RUNX2: variants seen among roughly 807,000 people sequenced by gnomAD.
RUNX2 encodes runt-related transcription factor 2.
A neutral mutation model predicts 51.7 loss-of-function variants in RUNX2; 10 were observed. That is an observed-to-expected ratio of 0.19 (90% confidence interval 0.12 to 0.33). The LOEUF (loss-of-function observed/expected upper bound fraction) is 0.33, where lower values mean the gene tolerates loss of function less well. Ranked by LOEUF, RUNX2 falls within the 10% of genes least tolerant of loss-of-function variation. The pLI is 1.00. For missense variants in RUNX2, 562 were observed against 691.3 expected (o/e 0.81, Z 2.10); for synonymous variants, 276 against 273.6 (o/e 1.01, Z -0.09).
At chr6:45,442,024 C>T (rs1258013554) in intron 5 of RUNX2, among the ~76,000 whole-genome samples, 1 of 152,170 alleles carries the variant, frequency 6.6e-6, no homozygotes, top group Non-Finnish European at 1.5e-5. Context: ...TTCATAAGAG[C>T]ACATGATCAT....
intron 2 of RUNX2, among the ~76,000 whole-genome samples, chr6:45,376,580 A>C (rs1360061380): frequency 6.6e-6 from 1 of 152,254 alleles, no homozygotes; most frequent in Non-Finnish European, 1.5e-5. Context: ...CTGCTAGTGA[A>C]AAGTGCAGCC....
At chr6:45,332,633 C>T (rs543791768) in intron 2 of RUNX2, among the ~76,000 whole-genome samples, 1 of 151,834 alleles carries the variant, frequency 6.6e-6, no homozygotes, top group African/African-American at 2.4e-5. Flanking sequence ...AATACTATTA[C>T]CTAACAAAAA....
intron 5 of RUNX2, among the ~76,000 whole-genome samples, chr6:45,449,597 G>C (rs1187153157): frequency 2.6e-5 from 4 of 152,154 alleles, no homozygotes; most frequent in African/African-American, 9.7e-5. Flanking sequence ...GGGATTCTTG[G>C]TTGATGTGAT....
chr6:45,363,343 A>C (rs1157912257), intron 2 of RUNX2, among the ~76,000 whole-genome samples: 2 of 152,210 alleles, frequency 1.3e-5, no homozygotes, highest in Admixed American at 1.3e-4. Flanking sequence ...AAATACTATA[A>C]ATTTTGAAAT....
intron 2 of RUNX2, among the ~76,000 whole-genome samples, chr6:45,355,055 G>A (rs895500748): frequency 6.6e-6 from 1 of 151,774 alleles, no homozygotes; most frequent in African/African-American, 2.4e-5. Context: ...GGTCACTGCA[G>A]ACTCAACCAC....
At chr6:45,470,846 C>T (rs1406653872) in intron 5 of RUNX2, among the ~76,000 whole-genome samples, 3 of 152,128 alleles carry the variant, frequency 2.0e-5, no homozygotes, top group Admixed American at 6.5e-5. Context: ...AAGACTCTGG[C>T]GAGTCCTGTG....
rs1305979510 is a variant in RUNX2, at chr6:45,500,645, G to A, written c.859+8531G>A. ...AAAGATTTAGAATGAAAAATGTTTG[G>A]CGCTGTTGCCAGGGTGAATGGTGGG... is the stretch of plus-strand genomic sequence containing the variant. On this transcript the variant is annotated intron_variant, in intron 6 of 8. Transcript: ENST00000647337. 6.6e-5 allele frequency among the ~76,000 whole-genome samples: 10 copies of A among 152,184 alleles called. No homozygotes were observed. The South Asian group carries it at 8.3e-4, about 13-fold the overall frequency.
At chr6:45,408,266 A>AT (rs1181954039) in intron 2 of RUNX2, among the ~76,000 whole-genome samples, 1 of 152,024 alleles carries the variant, frequency 6.6e-6, no homozygotes, top group Non-Finnish European at 1.5e-5. Context: ...AAGGCAATGC[A>AT]TAACAGTAAG....
chr6:45,352,218 C>T (rs979448032), intron 2 of RUNX2, among the ~76,000 whole-genome samples: 2 of 152,106 alleles, frequency 1.3e-5, no homozygotes, highest in Non-Finnish European at 2.9e-5. Flanking sequence ...TTACAAATAA[C>T]CTTTGATCGT....
At chr6:45,404,297 AAG>A (rs1436418317) in intron 2 of RUNX2, among the ~76,000 whole-genome samples, 1 of 137,140 alleles carries the variant, frequency 7.3e-6, no homozygotes, top group African/African-American at 2.8e-5. Context: ...AGAAAAAAAA[AAG>A]GAAAAAAAAG....
At position 45,549,765 on chromosome 6, in the gene RUNX2, T is replaced by A. The variant is rs1802507946; in HGVS notation, c.*2460T>A. On this transcript the variant is annotated 3_prime_UTR_variant, in exon 9 of 9. Coordinates refer to ENST00000647337, the MANE Select transcript of RUNX2 (RefSeq NM_001024630.4). Reference sequence around the variant, plus strand: ...TTTTTTAATGTTAAAAGGGCTTTTTTAAGTTTACAGTACACATACCGAGTG... The same window carrying A: ...TTTTTTAATGTTAAAAGGGCTTTTTAAAGTTTACAGTACACATACCGAGTG... The A allele has an allele frequency of 6.3e-6, 1 of 159,678 alleles. No homozygotes were observed. The highest frequency in any genetic ancestry group is 1.8e-4 in the East Asian group (1 of 5,524). 9.9% of individuals were successfully genotyped at this position (159,678 alleles called of 1,614,324 possible). A position where few individuals can be genotyped will look rare whatever the true frequency, so the allele number is the denominator to read the frequency against.
At chr6:45,340,298 A>G (rs71566529) in intron 2 of RUNX2, among the ~76,000 whole-genome samples, 1,635 of 152,264 alleles carry the variant, frequency 0.011, 24 homozygotes, top group Middle Eastern at 0.02. Context: ...AAGTATATCA[A>G]GGAATAAGAT....
intron 2 of RUNX2, among the ~76,000 whole-genome samples, chr6:45,380,902 T>C (rs959077273): frequency 2.6e-5 from 4 of 152,154 alleles, no homozygotes; most frequent in Admixed American, 2.6e-4. Flanking sequence ...ATGTGGATGC[T>C]ACAGTGACAG....
chr6:45,419,393 C>T (rs1033286577), intron 2 of RUNX2, among the ~76,000 whole-genome samples: 1 of 150,342 alleles, frequency 6.7e-6, no homozygotes, highest in African/African-American at 2.5e-5. Context: ...TAGACAGTGG[C>T]ACAACATGCC....
intron 7 of RUNX2, among the ~76,000 whole-genome samples, chr6:45,521,460 G>T (rs1582202082): frequency 6.6e-6 from 1 of 152,134 alleles, no homozygotes; most frequent in South Asian, 2.1e-4. Context: ...ACATATTTTA[G>T]GTCCAGCTTG....
At chr6:45,504,979 C>T (rs1800917022) in intron 6 of RUNX2, among the ~76,000 whole-genome samples, 1 of 152,190 alleles carries the variant, frequency 6.6e-6, no homozygotes, top group Non-Finnish European at 1.5e-5. Context: ...CTGCAGACAG[C>T]TTTGGCAGAA....
At chr6:45,386,318 C>T (rs1256572831) in intron 2 of RUNX2, among the ~76,000 whole-genome samples, 2 of 152,176 alleles carry the variant, frequency 1.3e-5, no homozygotes, top group African/African-American at 2.4e-5. Context: ...CTGCCCACCT[C>T]GGCCTCCCAA....
intron 2 of RUNX2, among the ~76,000 whole-genome samples, chr6:45,361,243 G>A (rs1794203676): frequency 6.6e-6 from 1 of 151,866 alleles, no homozygotes; most frequent in Admixed American, 6.6e-5. Flanking sequence ...ATTTTCATTT[G>A]GAAGAATTCT....
chr6:45,355,554 G>C (rs1793002896), intron 2 of RUNX2, among the ~76,000 whole-genome samples: 1 of 151,984 alleles, frequency 6.6e-6, no homozygotes, highest in African/African-American at 2.4e-5. Context: ...CTTCTCCACT[G>C]TATCATGCTA....
Sources: allele counts gnomAD v4.1 joint callset (sites outside exome capture counted in the v4.1 genomes callset), GRCh38; gene constraint gnomAD v4.1.1; transcripts MANE v1.5; gene names NCBI Gene and HGNC (gene_info 2026-07-23, HGNC 2026-07-21).